The following VWCE variants were observed in gnomAD, a reference collection of about 807,000 sequenced individuals.
VWCE encodes the protein von Willebrand factor C and EGF domains.
VWCE carries 68 observed loss-of-function variants against 102.9 expected under a neutral mutation model. The observed-to-expected ratio is 0.66, with a 90% CI of 0.54 to 0.81. VWCE has a LOEUF of 0.81. VWCE is among the 30% of genes least tolerant of loss of function. The pLI is 0.00. For missense variants in VWCE, 1,137 were observed against 1,263.6 expected, an observed-to-expected ratio of 0.90 and a Z score of 1.52; for synonymous variants, 497 against 515.4, an observed-to-expected ratio of 0.96 and a Z score of 0.48.
In VWCE at chr11:61,294,919, G is replaced by T; in HGVS notation, c.110+9C>A. On this transcript the variant is annotated intron_variant, in intron 1 of 19. Transcript: ENST00000335613. The surrounding 1 kb of genome is among the most constrained non-coding windows in gnomAD (Gnocchi z 6.3). ...GGCGGGGGAGCGGGGAGGAGCTCCG[G>T]GCGCTTACCTCTCGGCCGCGAAGTG... 2 of 1,401,444 alleles carry T rather than the reference G, an allele frequency of 1.4e-6. No individual in the cohort carries two copies. Among genetic ancestry groups the T allele is most frequent in the Non-Finnish European group, 9.3e-7 (1 of 1,071,708 alleles). The allele number at this position is 1,401,444 out of a possible 1,614,324, so 86.8% of individuals were successfully genotyped here. A position where few individuals can be genotyped will look rare whatever the true frequency, so the allele number is the denominator to read the frequency against.
At position 61,276,634 on chromosome 11, in the gene VWCE, CAG is replaced by C; in HGVS notation, c.1452_1453del (p.Cys485SerfsTer34). On this transcript the variant is annotated frameshift_variant, in exon 11 of 20. Coordinates refer to ENST00000335613, the MANE Select transcript of VWCE (RefSeq NM_152718.2). LOFTEE classifies it high-confidence loss of function. ...GCAATCCGTCTGTGGGGGGGTCTGA[CAG>C]GGGCCAGAAGGACACTCAGGAGAGA... is the stretch of plus-strand genomic sequence containing the variant. The C allele has an allele frequency of 6.2e-7, 1 of 1,606,488 alleles. No homozygotes were observed. The highest frequency in any genetic ancestry group is 8.5e-7 in the Non-Finnish European group (1 of 1,176,614).
intron 12 of VWCE, 101 bp downstream of exon 12, chr11:61,274,398 G>A (rs1306716835): frequency 8.8e-7 from 1 of 1,139,802 alleles, no homozygotes. Flanking sequence ...GTTGCTGTAT[G>A]ACAACTCATG....
intron 9 of VWCE, among the ~76,000 whole-genome samples, 186 bp downstream of exon 9, chr11:61,280,438 T>C (rs1855083155): frequency 6.6e-6 from 1 of 152,124 alleles, no homozygotes; most frequent in Admixed American, 6.5e-5. Flanking sequence ...AAAACGCACA[T>C]GTTCTGGCCC....
intron 9 of VWCE, among the ~76,000 whole-genome samples, chr11:61,279,354 G>A (rs1019611470): frequency 4.6e-5 from 7 of 151,980 alleles, no homozygotes; most frequent in Non-Finnish European, 8.8e-5. Context: ...CAGATCACTC[G>A]AGGTCAGGAG....
intron 7 of VWCE, 106 bp downstream of exon 7, chr11:61,281,680 C>T: frequency 5.1e-6 from 7 of 1,372,266 alleles, no homozygotes; most frequent in Middle Eastern, 2.7e-4. Context: ...CGTGGCTGGG[C>T]GCCGGGAGGG....
intron 10 of VWCE, among the ~76,000 whole-genome samples, chr11:61,277,902 G>A (rs556239003): frequency 4.6e-5 from 7 of 152,112 alleles, no homozygotes; most frequent in African/African-American, 1.4e-4. Flanking sequence ...GCAGTGGCGC[G>A]ATCTCAGCTC....
intron 4 of VWCE, among the ~76,000 whole-genome samples, chr11:61,287,701 G>A (rs1590655951): frequency 6.6e-6 from 1 of 152,320 alleles, no homozygotes; most frequent in Admixed American, 6.5e-5. Context: ...GACTGGCTGA[G>A]AGGACCAGGA....
chr11:61,292,979 C>G (rs1018368726), intron 1 of VWCE, among the ~76,000 whole-genome samples: 3 of 151,410 alleles, frequency 2.0e-5, no homozygotes, highest in Non-Finnish European at 2.9e-5. Context: ...CGGTGGCTCA[C>G]GCTTGTAATC....
rs1276899073 is a variant in VWCE at position 61,264,548 on chromosome 11, G to A, written c.2169C>T (p.Pro723=). The part of the protein sequence containing the change: ...QLGEVSCEKV[P]CQRACADPAL... ...CAGGGTCGGCACAGGCCCGCTGGCAGGGAACCTTCTCACAGCTCACCTCTC... is the reference window on the plus strand; with the variant it reads ...CAGGGTCGGCACAGGCCCGCTGGCAAGGAACCTTCTCACAGCTCACCTCTC... The change falls in exon 19 of 20, where the codon CCC becomes CCT. Residue 723 remains proline (P), a synonymous_variant. Coordinates refer to ENST00000335613, the MANE Select transcript of VWCE (RefSeq NM_152718.2). 2.5e-6 allele frequency: 4 copies of A among 1,612,408 alleles called. No individual in the cohort carries two copies. Among genetic ancestry groups the A allele is most frequent in the Non-Finnish European group, 3.4e-6 (4 of 1,179,416 alleles).
chr11:61,275,033 C>T (rs1013462620), intron 11 of VWCE, among the ~76,000 whole-genome samples: 17 of 151,966 alleles, frequency 1.1e-4, no homozygotes, highest in Non-Finnish European at 2.4e-4. Flanking sequence ...ACAGCCTGAG[C>T]GACAGAGCAA....
rs201942888 is a variant in VWCE at position 61,280,612 on chromosome 11, A to T, written c.1324+12T>A. 5.0e-6 allele frequency: 8 copies of T among 1,613,620 alleles called. No individual in the cohort carries two copies. Among genetic ancestry groups the T allele is most frequent in the Admixed American group, 3.3e-5 (2 of 59,934 alleles). On this transcript the variant is annotated intron_variant, in intron 9 of 19. Transcript: ENST00000335613. Reference sequence around the variant, plus strand: ...AGGCAGGACTATGTCCTTCCCTGGCACCAGCTCTCACCTGTGCACGATGGG... The same window carrying T: ...AGGCAGGACTATGTCCTTCCCTGGCTCCAGCTCTCACCTGTGCACGATGGG...
intron 12 of VWCE, chr11:61,273,800 CAGAG>C (rs1196680461): frequency 6.1e-6 from 1 of 163,382 alleles, no homozygotes. Context: ...CCCTGGGGAG[CAGAG>C]AGAGTCTCTA....
intron 9 of VWCE, among the ~76,000 whole-genome samples, chr11:61,279,005 C>T (rs1021577690): frequency 6.6e-5 from 10 of 151,942 alleles, no homozygotes; most frequent in African/African-American, 2.4e-4. Context: ...CGCCACTGCA[C>T]TCCAGCCTGG....
In VWCE at chr11:61,266,048, A is replaced by T. The variant is rs141097867; in HGVS notation, c.1966-836T>A. On this transcript the variant is annotated intron_variant, in intron 16 of 19. Transcript: ENST00000335613. ...CGACAGAGTGAGACTCTGTCTCAAA[A>T]AAAAAAAAATAAAATAAAATAATTA... Among the ~76,000 whole-genome samples the T allele has an allele frequency of 5.9e-3, 889 of 151,964 alleles. 13 individuals carry two copies. The highest frequency in any genetic ancestry group is 0.02 in the African/African-American group (849 of 41,484).
chr11:61,264,157 C>T (rs185349355), intron 19 of VWCE, among the ~76,000 whole-genome samples: 12 of 127,924 alleles, frequency 9.4e-5, no homozygotes, highest in Admixed American at 2.9e-4. Flanking sequence ...ACCCGGGAGG[C>T]GGAGCTTGCA....
In VWCE at chr11:61,267,469, A is replaced by G; in HGVS notation, c.1958T>C (p.Ile653Thr). The change falls in exon 16 of 20, where the codon ATC becomes ACC. Residue 653 changes from isoleucine (I) to threonine (T), a missense_variant. By Grantham distance (89) the Ile-to-Thr change is moderately conservative. Transcript: ENST00000335613. The part of the protein sequence containing the change: ...PSVLDPCLSC[I>T]CLLGSVACSP... ...GATCTGGGTGGTCCATACCAGGCAG[A>G]TGCAGCTCAGACATGGGTCCAGCAC... 6.2e-7 allele frequency: 1 copy of G among 1,614,134 alleles called. No individual in the cohort carries two copies. The highest frequency in any genetic ancestry group is 1.1e-5 in the South Asian group (1 of 91,072).
Position 61,280,633 on chromosome 11 carries a change from A to T in VWCE, c.1315T>A (p.Ser439Thr). 1 of 1,614,080 alleles carries T rather than the reference A, an allele frequency of 6.2e-7. No homozygotes were observed. The highest frequency in any genetic ancestry group is 1.6e-4 in the Middle Eastern group (1 of 6,062). The change falls in exon 9 of 20, where the codon TCG becomes ACG. Residue 439 changes from serine (S) to threonine (T), a missense_variant. Coordinates refer to ENST00000335613, the MANE Select transcript of VWCE (RefSeq NM_152718.2). ...TGGCACCAGCTCTCACCTGTGCACG[A>T]TGGGCAGCACCCACCATCTCTGGAG... is the stretch of plus-strand genomic sequence containing the variant. ...IPSRDGGCCP[S>T]CTGCFHSGVV...
chr11:61,289,314 G>A (rs899101799), intron 4 of VWCE, among the ~76,000 whole-genome samples: 5 of 149,302 alleles, frequency 3.3e-5, no homozygotes, highest in Non-Finnish European at 6.0e-5. Flanking sequence ...GCAGTGGTGT[G>A]ATCTCGGCTC....
chr11:61,285,319 A>G (rs1464503667), intron 5 of VWCE, among the ~76,000 whole-genome samples: 1 of 152,238 alleles, frequency 6.6e-6, no homozygotes, highest in Non-Finnish European at 1.5e-5. Context: ...GGGGGAGGTC[A>G]CAATTATCGG....
Sources: gnomAD v4.1 joint callset for allele counts (sites outside exome capture counted in the v4.1 genomes callset) on GRCh38, gnomAD v4.1.1 for gene constraint, Gnocchi (gnomAD v3.1) non-coding constraint, MANE v1.5 for transcripts, NCBI Gene and HGNC (gene_info 2026-07-23, HGNC 2026-07-21) for gene names.